LRP1B: variants seen among roughly 807,000 people sequenced by gnomAD.
LRP1B encodes the protein LDL receptor related protein 1B.
In LRP1B, 217 loss-of-function variants were observed where a neutral mutation model predicts 556.6. That is an observed-to-expected ratio of 0.39 (90% CI 0.35 to 0.44). The LOEUF (loss-of-function observed/expected upper bound fraction) is 0.44, where lower values mean the gene tolerates loss of function less well. LRP1B is among the 20% of genes least tolerant of loss of function. LRP1B has a pLI of 1.00. For synonymous variants in LRP1B, 2,047 were observed against 1,865.8 expected, an observed-to-expected ratio of 1.10 and a Z score of -2.50; for missense variants, 5,053 against 5,620.8, an observed-to-expected ratio of 0.90 and a Z score of 3.23.
intron 2 of LRP1B, among the ~76,000 whole-genome samples, chr2:141,779,604 A>G (rs559243311): frequency 6.6e-6 from 1 of 151,944 alleles, no homozygotes; most frequent in Non-Finnish European, 1.5e-5. Flanking sequence ...TTTAGTAAAG[A>G]TGGGGTTTCG....
rs987279300 is a variant in LRP1B at position 141,266,021 on chromosome 2, G to A, written c.344-11380C>T. On this transcript the variant is annotated intron_variant, in intron 3 of 90. Coordinates refer to ENST00000389484, the MANE Select transcript of LRP1B (RefSeq NM_018557.3). Reference sequence around the variant, plus strand: ...TGATATGCATAACTTCTGTGTCAGGGAGAGTAGGAATATGCATGTCTGGCC... The same window carrying A: ...TGATATGCATAACTTCTGTGTCAGGAAGAGTAGGAATATGCATGTCTGGCC... 2.0e-5 allele frequency among the ~76,000 whole-genome samples: 3 copies of A among 152,068 alleles called. No individual in the cohort carries two copies. In the South Asian group the frequency reaches 6.2e-4, roughly 32 times the overall value.
intron 3 of LRP1B, among the ~76,000 whole-genome samples, chr2:141,462,976 T>C (rs1372857333): frequency 2.0e-5 from 3 of 152,170 alleles, no homozygotes; most frequent in African/African-American, 7.2e-5. Flanking sequence ...TCTGACAATT[T>C]TTCACAACTG....
At chr2:140,499,398 A>T (rs1689085315) in intron 55 of LRP1B, among the ~76,000 whole-genome samples, 1 of 151,866 alleles carries the variant, frequency 6.6e-6, no homozygotes, top group Middle Eastern at 3.2e-3. Flanking sequence ...AAATAAATCT[A>T]CTTTGAAATG....
chr2:140,455,272 T>A (rs933935878), intron 62 of LRP1B, among the ~76,000 whole-genome samples: 1 of 152,184 alleles, frequency 6.6e-6, no homozygotes, highest in Non-Finnish European at 1.5e-5. Context: ...AAGCAGAGTC[T>A]GTGGCTTGTG....
intron 1 of LRP1B, among the ~76,000 whole-genome samples, chr2:141,941,275 A>G (rs2164337): frequency 0.86 from 130,256 of 152,222 alleles, 55,966 homozygotes; most frequent in East Asian, 1. Flanking sequence ...CAATCTGTAC[A>G]AAGTATTTAC....
At chr2:140,368,757 G>T (rs925304124) in intron 71 of LRP1B, among the ~76,000 whole-genome samples, 6 of 151,734 alleles carry the variant, frequency 4.0e-5, no homozygotes, top group Non-Finnish European at 5.9e-5. Context: ...TAATAGAAAA[G>T]ATATTTATTC....
In LRP1B at chr2:141,965,798, CAAAAA is replaced by C. The variant is rs201872645; in HGVS notation, c.83-155402_83-155398del. 8.2e-4 allele frequency among the ~76,000 whole-genome samples: 81 copies of C among 98,628 alleles called. No individual in the cohort carries two copies. In the East Asian group the frequency reaches 0.023, roughly 28 times the overall value. 64.7% of individuals were successfully genotyped at this position (98,628 alleles called of 152,430 possible). A position where few individuals can be genotyped will look rare whatever the true frequency, so the allele number is the denominator to read the frequency against. On this transcript the variant is annotated intron_variant, in intron 1 of 90. Transcript: ENST00000389484. The stretch of plus-strand genomic sequence containing the variant: ...ATAAATAAATAAATAAATATGTATC[CAAAAA>C]AAAAAAAAAAGAAAATTGTTTTTTT...
chr2:140,961,661 C>T (rs532384174), intron 18 of LRP1B, among the ~76,000 whole-genome samples: 31 of 152,022 alleles, frequency 2.0e-4, no homozygotes, highest in Admixed American at 3.3e-4. Flanking sequence ...AGTGTCACAG[C>T]TTTTAATTAT....
intron 32 of LRP1B, among the ~76,000 whole-genome samples, chr2:140,801,658 T>C (rs1186728140): frequency 6.6e-6 from 1 of 152,114 alleles, no homozygotes; most frequent in East Asian, 1.9e-4. Context: ...ATCTTATTGA[T>C]TCTAAGTTTC....
chr2:140,766,047 C>A (rs1196986503), intron 35 of LRP1B, among the ~76,000 whole-genome samples: 2 of 151,862 alleles, frequency 1.3e-5, no homozygotes, highest in Non-Finnish European at 2.9e-5. Context: ...TAAGAGGCAA[C>A]TGTGCCCTTC....
chr2:140,748,793 T>C (rs7609224), intron 35 of LRP1B, among the ~76,000 whole-genome samples: 77,629 of 94,904 alleles, frequency 0.82, 31,090 homozygotes, highest in East Asian at 0.89. Flanking sequence ...TAATATATAT[T>C]ATATACATAT....
At chr2:140,821,663 A>C (rs1691332974) in intron 31 of LRP1B, among the ~76,000 whole-genome samples, 1 of 152,236 alleles carries the variant, frequency 6.6e-6, no homozygotes, top group South Asian at 2.1e-4. Flanking sequence ...ATAAAGTAAT[A>C]GAAAATGCCT....
intron 3 of LRP1B, among the ~76,000 whole-genome samples, chr2:141,276,368 TTTGGTGTATAGATTA>T (rs1685285200): frequency 6.6e-6 from 1 of 151,712 alleles, no homozygotes. Flanking sequence ...GTCACTGGGG[TTTGGTGTATAGATTA>T]TTTTGTCACT....
chr2:141,784,204 T>C (rs1402173463), intron 2 of LRP1B, among the ~76,000 whole-genome samples: 2 of 152,012 alleles, frequency 1.3e-5, no homozygotes, highest in South Asian at 2.1e-4. Flanking sequence ...CTACCTTTTT[T>C]CCCCCAAAGT....
intron 2 of LRP1B, among the ~76,000 whole-genome samples, chr2:141,513,080 C>G (rs1198900660): frequency 6.6e-6 from 1 of 152,132 alleles, no homozygotes; most frequent in East Asian, 1.9e-4. Flanking sequence ...TCCTTAGCCT[C>G]AGCAGTTAGA....
At chr2:141,495,196 G>T (rs987778244) in intron 2 of LRP1B, among the ~76,000 whole-genome samples, 1 of 152,052 alleles carries the variant, frequency 6.6e-6, no homozygotes, top group Non-Finnish European at 1.5e-5. Context: ...CTCCAAAGCT[G>T]GTCAGCTTTA....
At chr2:140,353,558 A>G (rs1573834221) in intron 75 of LRP1B, among the ~76,000 whole-genome samples, 1 of 152,038 alleles carries the variant, frequency 6.6e-6, no homozygotes, top group East Asian at 1.9e-4. Context: ...TTCATCCCGT[A>G]ATGCCCTTGC....
At chr2:141,016,195 C>T (rs1697895202) in intron 12 of LRP1B, among the ~76,000 whole-genome samples, 1 of 151,838 alleles carries the variant, frequency 6.6e-6, no homozygotes, top group Non-Finnish European at 1.5e-5. Flanking sequence ...CAGTAAGTGC[C>T]AAATATCTAT....
chr2:141,605,932 AGTATGATAAAAT>A (rs1687903637), intron 2 of LRP1B, among the ~76,000 whole-genome samples: 1 of 148,676 alleles, frequency 6.7e-6, no homozygotes, highest in African/African-American at 2.4e-5. Context: ...AGTCCAATTA[AGTATGATAAAAT>A]GCAAAAGAAA....
Sources: allele counts gnomAD v4.1 joint callset (sites outside exome capture counted in the v4.1 genomes callset), GRCh38; gene constraint gnomAD v4.1.1; transcripts MANE v1.5; gene names NCBI Gene and HGNC (gene_info 2026-07-23, HGNC 2026-07-21).